Variants in LDLRAD4 observed in about 807,000 individuals in gnomAD.
The protein encoded by LDLRAD4 is low-density lipoprotein receptor class A domain-containing protein 4.
LDLRAD4 carries 5 observed loss-of-function variants against 17.0 expected under a neutral mutation model. The ratio of observed to expected loss-of-function variants is 0.29; its 90% CI spans 0.15 to 0.62. The LOEUF (loss-of-function observed/expected upper bound fraction) is 0.62, where lower values mean the gene tolerates loss of function less well. LDLRAD4 is among the 20% of genes least tolerant of loss of function. The probability of loss-of-function intolerance (pLI) is 0.84; values close to 1 mark genes in which losing one functional copy is unlikely to be tolerated. For synonymous variants in LDLRAD4, 168 were observed against 171.8 expected, an observed-to-expected ratio of 0.98 and a Z score of 0.17; for missense variants, 340 against 424.7, an observed-to-expected ratio of 0.80 and a Z score of 1.75.
chr18:13,348,819 GACT>G (rs1279624520), intron 1 of LDLRAD4, among the ~76,000 whole-genome samples: 8 of 152,152 alleles, frequency 5.3e-5, no homozygotes, highest in Admixed American at 4.6e-4. Context: ...TTTTATCTCA[GACT>G]GCTGTGCTAG....
chr18:13,634,316 A>G (rs1344767631), intron 4 of LDLRAD4, among the ~76,000 whole-genome samples: 2 of 152,380 alleles, frequency 1.3e-5, no homozygotes, highest in South Asian at 4.1e-4. Context: ...AAAACTCTAA[A>G]GATTCTATTT....
intron 3 of LDLRAD4, among the ~76,000 whole-genome samples, chr18:13,544,855 G>A (rs1267614070): frequency 6.8e-6 from 1 of 147,152 alleles, no homozygotes; most frequent in African/African-American, 2.5e-5. Context: ...CACATCAGAA[G>A]GTTAGACGTC....
chr18:13,311,605 G>A (rs1271542499), intron 1 of LDLRAD4, among the ~76,000 whole-genome samples: 2 of 152,200 alleles, frequency 1.3e-5, no homozygotes, highest in African/African-American at 4.8e-5. Context: ...GTCTTTAAAT[G>A]CTAAAGCATT....
intron 1 of LDLRAD4, among the ~76,000 whole-genome samples, chr18:13,328,001 C>G (rs961288887): frequency 5.3e-5 from 8 of 152,182 alleles, no homozygotes; most frequent in South Asian, 2.1e-4. Flanking sequence ...AGGGGAAACA[C>G]GCCTCATGAG....
intron 1 of LDLRAD4, among the ~76,000 whole-genome samples, chr18:13,219,348 A>C (rs190887799): frequency 1.2e-4 from 19 of 152,282 alleles, no homozygotes; most frequent in African/African-American, 1.9e-4. Flanking sequence ...TTTTTCCCCC[A>C]AAATTTTTTA....
At chr18:13,501,436 C>A (rs2093612354) in intron 3 of LDLRAD4, 1 of 152,238 alleles carries the variant, frequency 6.6e-6, no homozygotes, top group Admixed American at 6.5e-5. Context: ...GAGCTGAGTA[C>A]CTGCCGACGG....
At chr18:13,428,951 G>A (rs2090135995) in intron 2 of LDLRAD4, among the ~76,000 whole-genome samples, 1 of 152,152 alleles carries the variant, frequency 6.6e-6, no homozygotes, top group African/African-American at 2.4e-5. Flanking sequence ...AAGGTGGAAA[G>A]GTCAGGGATA....
Position 13,645,316 on chromosome 18 carries a change from C to T in LDLRAD4, c.580C>T (p.Pro194Ser). 3 of 1,614,220 alleles carry T rather than the reference C, an allele frequency of 1.9e-6. No homozygotes were observed. The highest frequency in any genetic ancestry group is 1.1e-5 in the South Asian group (1 of 91,084). ...GCCCTGCACCCTGCAGCTCCGGGAC[C>T]CTGAACAGCAGATGGAACTCAACCG... Residue 194 changes from proline (P) to serine (S), a missense_variant, in exon 6 of 6, where the codon CCT (proline) becomes TCT (serine). Coordinates refer to ENST00000359446, the Ensembl canonical transcript of LDLRAD4. This position sits in a 1 kb window ranked among gnomAD's most constrained non-coding sequence, Gnocchi z 5.7.
chr18:13,480,292 T>G (rs968239662), intron 3 of LDLRAD4, among the ~76,000 whole-genome samples: 6 of 152,176 alleles, frequency 3.9e-5, no homozygotes, highest in African/African-American at 1.4e-4. Flanking sequence ...CTTAAATACC[T>G]GTGACTAAGT....
intron 1 of LDLRAD4, among the ~76,000 whole-genome samples, chr18:13,287,060 A>G (rs1036710956): frequency 6.6e-6 from 1 of 152,032 alleles, no homozygotes; most frequent in South Asian, 2.1e-4. Context: ...AATGTGGGGA[A>G]ATGACTGGAG....
chr18:13,285,068 C>T lies in LDLRAD4; in HGVS notation c.-383+6880C>T, dbSNP rs113786205. 5.3e-3 allele frequency among the ~76,000 whole-genome samples: 804 copies of T among 152,276 alleles called. 1 individual carries two copies. Among genetic ancestry groups the T allele is most frequent in the Middle Eastern group, 0.01 (3 of 294 alleles). On this transcript the variant is annotated intron_variant, in intron 1 of 5. Transcript: ENST00000359446. ...CTTTCAAAGAGAGTCCTGAGGGATTCTTGAAATTTGTTATATAGTTCTTAC... is the reference window on the plus strand; with the variant it reads ...CTTTCAAAGAGAGTCCTGAGGGATTTTTGAAATTTGTTATATAGTTCTTAC...
intron 1 of LDLRAD4, among the ~76,000 whole-genome samples, chr18:13,256,119 C>T (rs2043490244): frequency 6.6e-6 from 1 of 152,158 alleles, no homozygotes; most frequent in South Asian, 2.1e-4. Flanking sequence ...CACTTTGATT[C>T]CCTGGGAGAA....
At chr18:13,222,361 A>G (rs2041505885) in intron 1 of LDLRAD4, among the ~76,000 whole-genome samples, 1 of 152,022 alleles carries the variant, frequency 6.6e-6, no homozygotes, top group Non-Finnish European at 1.5e-5. Context: ...GGAACAGAAA[A>G]GATGACAACT....
chr18:13,598,030 A>G (rs1274187285), intron 3 of LDLRAD4, among the ~76,000 whole-genome samples: 1 of 152,204 alleles, frequency 6.6e-6, no homozygotes, highest in African/African-American at 2.4e-5. Context: ...GCCCTCCCAC[A>G]GGTAGTTTCT....
At chr18:13,509,175 A>T (rs9958211) in intron 3 of LDLRAD4, among the ~76,000 whole-genome samples, 56,976 of 151,800 alleles carry the variant, frequency 0.38, 11,700 homozygotes, top group Middle Eastern at 0.56. Flanking sequence ...ACAGCCAGGC[A>T]TCATGGTGTG....
chr18:13,593,285 C>T (rs1397837963), intron 3 of LDLRAD4, among the ~76,000 whole-genome samples: 1 of 152,220 alleles, frequency 6.6e-6, no homozygotes, highest in African/African-American at 2.4e-5. Context: ...TACACTCTAG[C>T]CTCGGCAACA....
chr18:13,255,670 G>A (rs1434759140), intron 1 of LDLRAD4, among the ~76,000 whole-genome samples: 2 of 152,194 alleles, frequency 1.3e-5, no homozygotes, highest in African/African-American at 4.8e-5. Flanking sequence ...GATCACGGTG[G>A]AGGCCCAAGG....
chr18:13,533,051 T>C (rs1374098242), intron 3 of LDLRAD4, among the ~76,000 whole-genome samples: 1 of 152,202 alleles, frequency 6.6e-6, no homozygotes, highest in Non-Finnish European at 1.5e-5. Context: ...ACCAGTTAAT[T>C]TACCCATTGT....
At chr18:13,369,384 G>A (rs1046830693) in intron 1 of LDLRAD4, among the ~76,000 whole-genome samples, 9 of 152,178 alleles carry the variant, frequency 5.9e-5, no homozygotes, top group African/African-American at 2.2e-4. Flanking sequence ...CATGCGTGTG[G>A]GGAGCCTGGG....
Sources: allele counts gnomAD v4.1 joint callset (sites outside exome capture counted in the v4.1 genomes callset), GRCh38; gene constraint gnomAD v4.1.1; non-coding constraint Gnocchi (gnomAD v3.1); transcripts MANE v1.5; gene names NCBI Gene and HGNC (gene_info 2026-07-23, HGNC 2026-07-21).